Variants in VASH1 observed in about 807,000 individuals in gnomAD.
The protein encoded by VASH1 is vasohibin 1, also known as tubulinyl-Tyr carboxypeptidase 1.
A neutral mutation model predicts 35.0 loss-of-function variants in VASH1; 16 were observed. That is an observed-to-expected ratio of 0.46 (90% CI 0.31 to 0.70). The LOEUF is 0.70. Ranked by LOEUF, VASH1 falls within the 30% of genes least tolerant of loss-of-function variation. The pLI is 0.05. For missense variants in VASH1, 505 were observed against 510.7 expected, an observed-to-expected ratio of 0.99 and a Z score of 0.11; for synonymous variants, 214 against 200.9, an observed-to-expected ratio of 1.07 and a Z score of -0.55.
intron 1 of VASH1, among the ~76,000 whole-genome samples, chr14:76,763,726 T>G (rs1421801850): frequency 6.6e-6 from 1 of 152,180 alleles, no homozygotes; most frequent in Non-Finnish European, 1.5e-5. Flanking sequence ...CCAGGTCCTC[T>G]TCTCTGTTGG....
At position 76,778,051 on chromosome 14, in the gene VASH1, G is replaced by A. The variant is rs776697286; in HGVS notation, c.1005G>A (p.Arg335=). The A allele has an allele frequency of 6.6e-7, 1 of 1,511,512 alleles. No individual in the cohort carries two copies. 93.6% of individuals were successfully genotyped at this position (1,511,512 alleles called of 1,614,324 possible). Reference sequence around the variant, plus strand: ...GGGCCCAGTCCAGCCCCCACCGCAGGAACAGCCGCAGTGAAAGACGGTGAG... The same window carrying A: ...GGGCCCAGTCCAGCCCCCACCGCAGAAACAGCCGCAGTGAAAGACGGTGAG... The part of the protein sequence containing the change: ...PQRAQSSPHR[R]NSRSERRPSG... The change falls in exon 6 of 7, where the codon AGG becomes AGA. Residue 335 remains arginine, a synonymous_variant. Coordinates refer to ENST00000167106, the MANE Select transcript of VASH1 (RefSeq NM_014909.5).
In VASH1 at chr14:76,763,158, A is replaced by G. The variant is rs376060471; in HGVS notation, c.309+28A>G. 2.0e-4 allele frequency: 281 copies of G among 1,423,032 alleles called. 1 individual carries two copies. The African/African-American group carries it at 3.9e-3, about 20-fold the overall frequency. The allele number at this position is 1,423,032 out of a possible 1,614,324, so 88.2% of individuals were successfully genotyped here. A position where few individuals can be genotyped will look rare whatever the true frequency, so the allele number is the denominator to read the frequency against. ...GAGACACACGGGTCAGGGGGGTGAT[A>G]GCACAGTCTAGGTTTTAGTGACCTT... On this transcript the variant is annotated intron_variant, in intron 1 of 6. Transcript: ENST00000167106.
chr14:76,765,781 G>C (rs547924977), intron 1 of VASH1, among the ~76,000 whole-genome samples: 2 of 152,348 alleles, frequency 1.3e-5, no homozygotes, highest in South Asian at 4.1e-4. Flanking sequence ...GTCAGCTGGG[G>C]CTGGGGAGTG....
chr14:76,768,500 T>G (rs1304256350), intron 1 of VASH1, among the ~76,000 whole-genome samples: 1 of 152,012 alleles, frequency 6.6e-6, no homozygotes, highest in Non-Finnish European at 1.5e-5. Flanking sequence ...CAGGGCCCCT[T>G]CCCTCCTGCG....
chr14:76,769,502 C>G (rs777347430), intron 1 of VASH1: 2 of 1,287,710 alleles, frequency 1.6e-6, no homozygotes, highest in African/African-American at 1.5e-5. Context: ...TGCTCACCCC[C>G]CTCAGGACCA....
chr14:76,765,046 C>T (rs1893605655), intron 1 of VASH1, among the ~76,000 whole-genome samples: 1 of 152,120 alleles, frequency 6.6e-6, no homozygotes, highest in Non-Finnish European at 1.5e-5. Flanking sequence ...CTGGGTTTTG[C>T]TCAGATCATT....
chr14:76,766,462 A>G (rs1157253276), intron 1 of VASH1, among the ~76,000 whole-genome samples: 1 of 152,172 alleles, frequency 6.6e-6, no homozygotes, highest in Admixed American at 6.5e-5. Flanking sequence ...TATTTATGAG[A>G]CAGCGTCTCG....
At chr14:76,770,996 A>C (rs1171991279) in intron 2 of VASH1, among the ~76,000 whole-genome samples, 194 bp from the exon 3 acceptor site, 1 of 152,206 alleles carries the variant, frequency 6.6e-6, no homozygotes, top group South Asian at 2.1e-4. Flanking sequence ...AAGAGAAGCC[A>C]GGGGAGAACA....
intron 6 of VASH1, 82 bp downstream of exon 6, chr14:76,778,153 A>G (rs72737518): frequency 2.2e-6 from 2 of 929,740 alleles, no homozygotes; most frequent in South Asian, 2.4e-5. Context: ...TTTTTTTTTT[A>G]TCTCTCTCCC....
In VASH1 at chr14:76,779,160, C is replaced by T. The variant is rs1217410626; in HGVS notation, c.*142C>T. 2.1e-6 allele frequency: 2 copies of T among 945,116 alleles called. No individual in the cohort carries two copies. Among genetic ancestry groups the T allele is most frequent in the South Asian group, 1.4e-5 (1 of 72,794 alleles). 58.5% of individuals were successfully genotyped at this position (945,116 alleles called of 1,614,324 possible). On this transcript the variant is annotated 3_prime_UTR_variant, in exon 7 of 7. Coordinates refer to ENST00000167106, the MANE Select transcript of VASH1 (RefSeq NM_014909.5). ...GGAAGAGTGTGTTCCAGCTCAGCCC[C>T]CCAAGCTGCTCTCGCTCCCACTGAG...
At chr14:76,773,040 C>T in intron 3 of VASH1, 97 bp from the exon 4 acceptor site, 2 of 1,222,934 alleles carry the variant, frequency 1.6e-6, no homozygotes, top group Non-Finnish European at 1.2e-6. Context: ...AGCCTCTGTC[C>T]TTCTAGCATT....
rs954166022 is a variant in VASH1 at position 76,761,983 on chromosome 14, C to T, written c.-839C>T. ...GGTGCAGCGCGGCGCCAGGTGCCAG[C>T]CGTCCTCCCGCTGAGACGCGCCCGA... On this transcript the variant is annotated 5_prime_UTR_variant, in exon 1 of 7. Coordinates refer to ENST00000167106, the MANE Select transcript of VASH1 (RefSeq NM_014909.5). 6.6e-6 allele frequency among the ~76,000 whole-genome samples: 1 copy of T among 152,052 alleles called. No homozygotes were observed. The highest frequency in any genetic ancestry group is 6.6e-5 in the Admixed American group (1 of 15,258).
chr14:76,772,008 G>A (rs534494698), intron 3 of VASH1, among the ~76,000 whole-genome samples: 13 of 152,298 alleles, frequency 8.5e-5, no homozygotes, highest in South Asian at 8.3e-4. Flanking sequence ...TTGGGAGGCC[G>A]AGGTGGGCGG....
intron 1 of VASH1, chr14:76,769,332 C>G (rs1397296163): frequency 7.8e-7 from 1 of 1,289,112 alleles, no homozygotes; most frequent in Non-Finnish European, 1.0e-6. Flanking sequence ...GAGGACCCGG[C>G]CCCTCTGTGC....
At chr14:76,777,842 T>C in intron 5 of VASH1, 117 bp from the exon 6 acceptor site, 1 of 647,654 alleles carries the variant, frequency 1.5e-6, no homozygotes, top group East Asian at 3.5e-5. Flanking sequence ...AGAGCCATGC[T>C]TGAGGTTCCC....
chr14:76,773,164 CAA>C lies in VASH1; in HGVS notation c.485_486del (p.Lys162ArgfsTer127), dbSNP rs780428547. ...TGATGGACCTGGCCAAGGAAATGACCAAAGAGGCCCTGCCAATCAAATGCCTG... is the reference window on the plus strand; with the variant it reads ...TGATGGACCTGGCCAAGGAAATGACCAGAGGCCCTGCCAATCAAATGCCTG... ...GLMDLAKEMT[K>X]EALPIKCLEA... On this transcript the variant is annotated frameshift_variant, in exon 4 of 7. Transcript: ENST00000167106. LOFTEE classifies it high-confidence loss of function. The C allele has an allele frequency of 6.2e-7, 1 of 1,614,052 alleles. No homozygotes were observed. The highest frequency in any genetic ancestry group is 1.1e-5 in the South Asian group (1 of 91,064).
At chr14:76,767,733 A>G (rs1290792365) in intron 1 of VASH1, among the ~76,000 whole-genome samples, 1 of 152,234 alleles carries the variant, frequency 6.6e-6, no homozygotes, top group Non-Finnish European at 1.5e-5. Context: ...TAGGTAATGA[A>G]CATTCAGACA....
In VASH1 at chr14:76,777,961, TGGCAAAGGGACG is replaced by T. The variant is rs1443967445; in HGVS notation, c.919_930del (p.Lys307_Gly310del). 6.6e-7 allele frequency: 1 copy of T among 1,516,290 alleles called. No individual in the cohort carries two copies. The highest frequency in any genetic ancestry group is 1.4e-5 in the African/African-American group (1 of 70,362). 93.9% of individuals were successfully genotyped at this position (1,516,290 alleles called of 1,614,324 possible). On this transcript the variant is annotated inframe_deletion, in exon 6 of 7. Coordinates refer to ENST00000167106, the MANE Select transcript of VASH1 (RefSeq NM_014909.5). ...GTTGCTTCCTCCTCTGCACCTAGAT[TGGCAAAGGGACG>T]GGCCCTCCCTCTCCCACCAAGGACC... is the stretch of plus-strand genomic sequence containing the variant.
At chr14:76,771,157 C>A in intron 2 of VASH1, 33 bp from the exon 3 acceptor site, 1 of 1,524,474 alleles carries the variant, frequency 6.6e-7, no homozygotes, top group Non-Finnish European at 8.8e-7. Flanking sequence ...CTCCTTCAGG[C>A]CAAGCTAGGA....
Sources: gnomAD v4.1 joint callset for allele counts (sites outside exome capture counted in the v4.1 genomes callset) on GRCh38, gnomAD v4.1.1 for gene constraint, MANE v1.5 for transcripts, NCBI Gene and HGNC (gene_info 2026-07-23, HGNC 2026-07-21) for gene names.